Variants in AFF2 observed in about 807,000 individuals in gnomAD.
The protein encoded by AFF2 is ALF transcription elongation factor 2.
In AFF2, 14 loss-of-function variants were observed where a neutral mutation model predicts 76.9. The observed-to-expected ratio is 0.18, with a 90% CI of 0.12 to 0.28. AFF2 has a LOEUF of 0.28. AFF2 is among the 10% of genes least tolerant of loss of function. The probability of loss-of-function intolerance (pLI) is 1.00; values close to 1 mark genes in which losing one functional copy is unlikely to be tolerated. For missense variants in AFF2, 868 were observed against 1,001.1 expected (o/e 0.87, Z 1.79); for synonymous variants, 398 against 366.7 (o/e 1.09, Z -0.98).
At chrX:148,577,100 C>A (rs1489066320) in intron 1 of AFF2, among the ~76,000 whole-genome samples, 1 of 111,798 alleles carries the variant, frequency 8.9e-6, no homozygotes, top group African/African-American at 3.2e-5. Flanking sequence ...AATGCTGCCC[C>A]AAACCTCTGA....
chrX:148,673,016 A>T (rs930512223), intron 3 of AFF2, among the ~76,000 whole-genome samples: 27 of 111,996 alleles, frequency 2.4e-4, no homozygotes, highest in Admixed American at 2.2e-3. Flanking sequence ...ATTTAAAAAA[A>T]CTGTCTAGGA....
chrX:148,682,600 G>A (rs1169156847), intron 3 of AFF2, among the ~76,000 whole-genome samples: 1 of 110,879 alleles, frequency 9.0e-6, no homozygotes, highest in Admixed American at 9.6e-5. Flanking sequence ...ATGGATGGAT[G>A]GATGGATGGA....
At chrX:148,813,501 G>A (rs2070228946) in intron 4 of AFF2, among the ~76,000 whole-genome samples, 1 of 111,950 alleles carries the variant, frequency 8.9e-6, no homozygotes, top group Non-Finnish European at 1.9e-5. Context: ...ACTGATAATA[G>A]TAATGTGTTG....
chrX:148,712,041 G>A (rs902624146), intron 3 of AFF2, among the ~76,000 whole-genome samples: 1 of 111,168 alleles, frequency 9.0e-6, no homozygotes, highest in Admixed American at 9.6e-5. Context: ...GCATTGGTAA[G>A]GAGCATCTCT....
chrX:148,944,399 A>G (rs1182667278), intron 9 of AFF2, among the ~76,000 whole-genome samples: 2 of 111,810 alleles, frequency 1.8e-5, no homozygotes, highest in Non-Finnish European at 3.8e-5. Context: ...TGTGAATGCA[A>G]GCTGCCACTC....
chrX:148,606,883 AG>A (rs1557248858), intron 1 of AFF2, among the ~76,000 whole-genome samples: 1 of 111,263 alleles, frequency 9.0e-6, no homozygotes, highest in African/African-American at 3.3e-5. Context: ...TTCCTAATTC[AG>A]GCCTGAATTA....
intron 3 of AFF2, among the ~76,000 whole-genome samples, chrX:148,760,266 G>A (rs933367456): frequency 4.5e-5 from 5 of 111,529 alleles, no homozygotes; most frequent in Non-Finnish European, 9.4e-5. Flanking sequence ...ATTTAGAATG[G>A]AAACAGTGAC....
intron 19 of AFF2, among the ~76,000 whole-genome samples, chrX:148,982,629 T>C (rs1442753116): frequency 8.9e-6 from 1 of 111,991 alleles, no homozygotes; most frequent in Admixed American, 9.4e-5. Context: ...TGGCTAGCAA[T>C]TGGGGAAGTC....
chrX:148,843,292 G>A (rs1272222845), intron 6 of AFF2, 90 bp from the exon 7 acceptor site: 7 of 787,984 alleles, frequency 8.9e-6, no homozygotes, highest in Non-Finnish European at 1.3e-5. Flanking sequence ...GGTAACTCGG[G>A]GGACTGCATG....
Position 148,966,986 on chromosome X carries a change from G to T in AFF2, c.3110G>T (p.Ser1037Ile), listed in dbSNP as rs1557288854. The change falls in exon 14 of 21, where the codon AGC (serine) becomes ATC (isoleucine). Residue 1037 changes from serine (S) to isoleucine (I), a missense_variant. Ser to Ile is a moderately radical substitution (Grantham distance 142). This residue lies in a region of AFF2 where 532 missense variants were observed against 564.2 expected (regional missense o/e 0.94). Transcript: ENST00000370460. ...TSTITTGLMD[S>I]SHLEMTSWAA... ...ACCATCACTACTGGCCTCATGGATA[G>T]CAGTCACCTGGAGATGACGTCCTGG... 6.6e-6 allele frequency: 8 copies of T among 1,209,519 alleles called. No homozygotes were observed. The Admixed American group carries it at 1.7e-4, about 26-fold the overall frequency.
At chrX:148,595,640 G>A (rs997222565) in intron 1 of AFF2, among the ~76,000 whole-genome samples, 3 of 112,115 alleles carry the variant, frequency 2.7e-5, no homozygotes, top group Non-Finnish European at 3.8e-5. Context: ...CCAAAAAGTT[G>A]CTCAGGAAAG....
chrX:148,711,812 T>C (rs1271545816), intron 3 of AFF2, among the ~76,000 whole-genome samples: 1 of 112,696 alleles, frequency 8.9e-6, no homozygotes, highest in Non-Finnish European at 1.9e-5. Context: ...TAAAAGGTAG[T>C]ATGTGCTAGG....
chrX:148,707,757 A>AAAC (rs1447181221), intron 3 of AFF2, among the ~76,000 whole-genome samples: 1 of 111,618 alleles, frequency 9.0e-6, no homozygotes, highest in Non-Finnish European at 1.9e-5. Flanking sequence ...ATGTTTCTTT[A>AAAC]AACTACAATA....
At chrX:148,640,785 A>G (rs2054080147) in intron 1 of AFF2, among the ~76,000 whole-genome samples, 1 of 112,252 alleles carries the variant, frequency 8.9e-6, no homozygotes, top group Non-Finnish European at 1.9e-5. Context: ...AGCATTCGCA[A>G]AGGCCAAATT....
intron 4 of AFF2, among the ~76,000 whole-genome samples, chrX:148,834,399 G>T (rs1339530498): frequency 1.8e-5 from 2 of 110,903 alleles, no homozygotes; most frequent in Non-Finnish European, 3.8e-5. Flanking sequence ...TTGCCCGTTG[G>T]GAATATGAAT....
chrX:148,903,134 AT>A (rs2071371776), intron 8 of AFF2, among the ~76,000 whole-genome samples: 1 of 111,509 alleles, frequency 9.0e-6, no homozygotes, highest in Non-Finnish European at 1.9e-5. Context: ...CCCCAAACAG[AT>A]ACTTTTTTAA....
At chrX:148,845,674 A>C (rs2070658271) in intron 7 of AFF2, among the ~76,000 whole-genome samples, 1 of 112,125 alleles carries the variant, frequency 8.9e-6, no homozygotes, top group African/African-American at 3.2e-5. Context: ...ATTTAACTAC[A>C]GTGTGCTTTT....
At chrX:148,694,464 T>A (rs2124506159) in intron 3 of AFF2, among the ~76,000 whole-genome samples, 1 of 111,857 alleles carries the variant, frequency 8.9e-6, no homozygotes, top group African/African-American at 3.2e-5. Context: ...CAATTTAATG[T>A]CCATCAACTT....
At chrX:148,920,633 C>CAT (rs71953130) in intron 9 of AFF2, among the ~76,000 whole-genome samples, 9 of 104,780 alleles carry the variant, frequency 8.6e-5, no homozygotes, top group South Asian at 8.9e-4. Flanking sequence ...TGTGTGTGCG[C>CAT]GTGTGTGTGT....
Sources: allele counts gnomAD v4.1 joint callset (sites outside exome capture counted in the v4.1 genomes callset), GRCh38; gene constraint gnomAD v4.1.1; regional missense constraint gnomAD v4.1.1; transcripts MANE v1.5; gene names NCBI Gene and HGNC (gene_info 2026-07-23, HGNC 2026-07-21).